The following RHOU variants were observed in gnomAD, a reference collection of about 807,000 sequenced individuals.
The protein encoded by RHOU is rho-related GTP-binding protein RhoU.
RHOU carries 8 observed loss-of-function variants against 12.6 expected under a neutral mutation model. That is an observed-to-expected ratio of 0.64 (90% CI 0.37 to 1.15). The LOEUF (loss-of-function observed/expected upper bound fraction) is 1.15. Ranked by LOEUF, RHOU falls within the 50% of genes most tolerant of loss-of-function variation. RHOU has a pLI of 0.01. For synonymous variants in RHOU, 161 were observed against 147.4 expected, an observed-to-expected ratio of 1.09 and a Z score of -0.67; for missense variants, 258 against 347.0, an observed-to-expected ratio of 0.74 and a Z score of 2.04.
At chr1:228,650,083 T>C in the RHOU span, 1 of 412,084 alleles carries the variant, frequency 2.4e-6, no homozygotes, top group East Asian at 7.3e-5. Context: ...ATCAGATTCA[T>C]AGAAAGAACT....
chr1:228,714,745 T>A, the RHOU span, among the ~76,000 whole-genome samples: 1 of 134,492 alleles, frequency 7.4e-6, no homozygotes, highest in Non-Finnish European at 1.6e-5. Context: ...ATTATCTTTT[T>A]TTTTTTTTTT....
At position 228,745,229 on chromosome 1, in the gene RHOU, A is replaced by G. The variant is rs980361385; in HGVS notation, c.*1489A>G. ...GGAGAAAAAGGTGCCATCTCAGGAG[A>G]ATAGCTTTTACTCTGGTAGGAATGC... On this transcript the variant is annotated 3_prime_UTR_variant, in exon 3 of 3. Transcript: ENST00000366691. The G allele has an allele frequency of 6.6e-6, 1 of 152,198 alleles. No individual in the cohort carries two copies. Among genetic ancestry groups the G allele is most frequent in the East Asian group, 1.9e-4 (1 of 5,192 alleles). 9.4% of individuals were successfully genotyped at this position (152,198 alleles called of 1,614,324 possible).
At chr1:228,687,700 A>C in the RHOU span, 1 of 1,480,210 alleles carries the variant, frequency 6.8e-7, no homozygotes, top group South Asian at 1.1e-5. Context: ...CTGAATAAGC[A>C]GGTGAAAGCC....
chr1:228,654,314 C>T, the RHOU span, among the ~76,000 whole-genome samples: 1 of 152,050 alleles, frequency 6.6e-6, no homozygotes, highest in Admixed American at 6.6e-5. Flanking sequence ...TCTTTGTTGC[C>T]CAGGCTGGTC....
chr1:228,653,590 A>T, the RHOU span, among the ~76,000 whole-genome samples: 1 of 152,124 alleles, frequency 6.6e-6, no homozygotes, highest in Non-Finnish European at 1.5e-5. Flanking sequence ...AAGTGCTGAG[A>T]TTACAGGCAT....
the RHOU span, among the ~76,000 whole-genome samples, chr1:228,714,717 G>A: frequency 6.9e-6 from 1 of 144,828 alleles, no homozygotes. Flanking sequence ...GTTAGCTAAT[G>A]GCTTGTTTAT....
the RHOU span, among the ~76,000 whole-genome samples, chr1:228,686,178 T>G: frequency 6.6e-6 from 1 of 152,302 alleles, no homozygotes; most frequent in Admixed American, 6.5e-5. Flanking sequence ...ATCTCCCTTA[T>G]CTTCAACTTC....
the RHOU span, among the ~76,000 whole-genome samples, chr1:228,681,984 C>T: frequency 1.3e-5 from 2 of 152,174 alleles, no homozygotes; most frequent in Non-Finnish European, 2.9e-5. Context: ...GGTGATCAGA[C>T]ACCAATGGGG....
chr1:228,660,958 C>A, the RHOU span, among the ~76,000 whole-genome samples: 11,576 of 149,562 alleles, frequency 0.077, 518 homozygotes, highest in Middle Eastern at 0.12. Context: ...AAAAAATCTC[C>A]TTAAGCTGAT....
At chr1:228,648,376 C>T in the RHOU span, among the ~76,000 whole-genome samples, 1 of 152,214 alleles carries the variant, frequency 6.6e-6, no homozygotes, top group Non-Finnish European at 1.5e-5. Flanking sequence ...TCCAGGCCTT[C>T]CCCGGCTCCG....
At chr1:228,657,279 C>CAAAAAAAAAAAAAAAAAAAAA in the RHOU span, among the ~76,000 whole-genome samples, 1 of 28,032 alleles carries the variant, frequency 3.6e-5, no homozygotes, top group Non-Finnish European at 6.2e-5. Context: ...AACTCCATCT[C>CAAAAAAAAAAAAAAAAAAAAA]AAAAAAAAAA....
the RHOU span, among the ~76,000 whole-genome samples, chr1:228,675,676 A>T: frequency 6.6e-6 from 1 of 152,328 alleles, no homozygotes; most frequent in East Asian, 1.9e-4. Flanking sequence ...TTTTTCTGTA[A>T]TTTAATCTGT....
chr1:228,658,567 A>G, the RHOU span, among the ~76,000 whole-genome samples: 6 of 152,180 alleles, frequency 3.9e-5, no homozygotes, highest in African/African-American at 1.4e-4. Context: ...GAGAGAAATA[A>G]ATGTCTGTTT....
chr1:228,647,378 C>G, the RHOU span, among the ~76,000 whole-genome samples: 3 of 152,152 alleles, frequency 2.0e-5, no homozygotes, highest in Admixed American at 2.0e-4. Flanking sequence ...CCGGGCGCGT[C>G]CGGAGGCCTG....
the RHOU span, among the ~76,000 whole-genome samples, chr1:228,728,971 C>T: frequency 1.3e-5 from 2 of 151,816 alleles, no homozygotes; most frequent in Non-Finnish European, 2.9e-5. Context: ...TCTTGCCTCA[C>T]TGCAAACTCT....
the RHOU span, among the ~76,000 whole-genome samples, chr1:228,654,578 C>T: frequency 6.6e-6 from 1 of 152,228 alleles, no homozygotes; most frequent in African/African-American, 2.4e-5. Flanking sequence ...GACTCCCCAT[C>T]ACCGTGAGAA....
chr1:228,713,252 G>A, the RHOU span, among the ~76,000 whole-genome samples: 1 of 152,164 alleles, frequency 6.6e-6, no homozygotes, highest in Non-Finnish European at 1.5e-5. Flanking sequence ...AATCTCCAGG[G>A]AGGGGAGATG....
chr1:228,700,945 T>G, the RHOU span, among the ~76,000 whole-genome samples: 1 of 151,608 alleles, frequency 6.6e-6, no homozygotes, highest in South Asian at 2.1e-4. Flanking sequence ...AAAAATTAGC[T>G]AGGTAGGGTG....
the RHOU span, among the ~76,000 whole-genome samples, chr1:228,721,753 C>T: frequency 2.0e-5 from 3 of 152,188 alleles, no homozygotes; most frequent in East Asian, 1.9e-4. Flanking sequence ...CTCCGCCACC[C>T]GGGTTCAAGA....
Sources: gnomAD v4.1 joint callset for allele counts (sites outside exome capture counted in the v4.1 genomes callset) on GRCh38, gnomAD v4.1.1 for gene constraint, MANE v1.5 for transcripts, NCBI Gene and HGNC (gene_info 2026-07-23, HGNC 2026-07-21) for gene names.